CHSY1: variants seen among roughly 807,000 people sequenced by gnomAD.
CHSY1 encodes the protein chondroitin sulfate synthase 1.
In CHSY1, 13 loss-of-function variants were observed where a neutral mutation model predicts 59.8. The observed-to-expected ratio is 0.22, with a 90% CI of 0.14 to 0.35. The LOEUF is 0.35. CHSY1 is among the 10% of genes least tolerant of loss of function. The pLI is 1.00. For synonymous variants in CHSY1, 459 were observed against 401.2 expected (o/e 1.14, Z -1.72); for missense variants, 947 against 1,030.6 (o/e 0.92, Z 1.11).
At position 101,177,591 on chromosome 15, in the gene CHSY1, T is replaced by G. The variant is rs779667422; in HGVS notation, c.2206A>C (p.Arg736=). ...TGGACTACTCCTACTTCCTGGCTCCTAAACGTCTTCAAACCTGCCTGGACA... is the reference window on the plus strand; with the variant it reads ...TGGACTACTCCTACTTCCTGGCTCCGAAACGTCTTCAAACCTGCCTGGACA... ...KVVQAGLKTF[R]SQEVGVVHVH... is the part of the protein sequence containing the mutation. Residue 736 remains arginine, a synonymous_variant, in exon 3 of 3, where the codon AGG becomes CGG. Transcript: ENST00000254190. 2.0e-5 allele frequency: 33 copies of G among 1,614,060 alleles called. No individual in the cohort carries two copies. Among genetic ancestry groups the G allele is most frequent in the Middle Eastern group, 3.3e-4 (2 of 6,084 alleles).
chr15:101,205,333 CAT>C (rs768681904), intron 2 of CHSY1, among the ~76,000 whole-genome samples: 7 of 152,084 alleles, frequency 4.6e-5, no homozygotes, highest in African/African-American at 9.7e-5. Flanking sequence ...ACCACACACA[CAT>C]GATTCAGAGG....
At position 101,178,530 on chromosome 15, in the gene CHSY1, T is replaced by C. The variant is rs370806474; in HGVS notation, c.1267A>G (p.Arg423Gly). The change falls in exon 3 of 3, where the codon AGA becomes GGA. Residue 423 changes from arginine (R) to glycine (G), a missense_variant. Physicochemically the swap from Arg to Gly is moderately radical, Grantham distance 125. Coordinates refer to ENST00000254190, the MANE Select transcript of CHSY1 (RefSeq NM_014918.5). ...MEMINANAKTRGRIIDFKEIQ... is the reference protein window; with the variant it reads ...MEMINANAKTGGRIIDFKEIQ... ...TCTTTGAAGTCAATGATGCGCCCTC[T>C]GGTCTTGGCGTTGGCATTGATCATC... 1.7e-5 allele frequency: 27 copies of C among 1,614,270 alleles called. No homozygotes were observed. Among genetic ancestry groups the C allele is most frequent in the Non-Finnish European group, 2.1e-5 (25 of 1,180,038 alleles).
intron 1 of CHSY1, among the ~76,000 whole-genome samples, chr15:101,237,609 G>C (rs115942010): frequency 0.095 from 14,462 of 152,098 alleles, 958 homozygotes; most frequent in Middle Eastern, 0.18. Flanking sequence ...AAGGGTGTAA[G>C]AGACAACGGT....
chr15:101,184,371 C>CAT (rs981733585), intron 2 of CHSY1, among the ~76,000 whole-genome samples: 51 of 151,360 alleles, frequency 3.4e-4, no homozygotes, highest in African/African-American at 1.2e-3. Flanking sequence ...AAATGTGTTA[C>CAT]ATATATATAT....
chr15:101,246,298 G>T (rs564590299), intron 1 of CHSY1, among the ~76,000 whole-genome samples: 1 of 150,114 alleles, frequency 6.7e-6, no homozygotes, highest in East Asian at 1.9e-4. Context: ...AACAAAAGGT[G>T]TTGGATTAGC....
chr15:101,229,087 C>T (rs1440965820), intron 2 of CHSY1, among the ~76,000 whole-genome samples: 4 of 151,884 alleles, frequency 2.6e-5, no homozygotes, highest in African/African-American at 9.7e-5. Context: ...CTAAAAAATA[C>T]AGTAAAAGAA....
chr15:101,188,029 C>T (rs537066080), intron 2 of CHSY1: 33 of 985,380 alleles, frequency 3.3e-5, no homozygotes, highest in Admixed American at 6.1e-5. Flanking sequence ...CCTTCTTGTC[C>T]GCTGCAAGGA....
At chr15:101,194,235 C>A (rs1596434835) in intron 2 of CHSY1, among the ~76,000 whole-genome samples, 2 of 152,336 alleles carry the variant, frequency 1.3e-5, no homozygotes, top group South Asian at 4.1e-4. Context: ...AACACATAGA[C>A]CACCCACGTG....
intron 2 of CHSY1, among the ~76,000 whole-genome samples, chr15:101,214,411 A>G: frequency 6.6e-6 from 1 of 152,354 alleles, no homozygotes; most frequent in African/African-American, 2.4e-5. Context: ...ACATGGACTA[A>G]AGTAAGATCT....
chr15:101,226,860 T>C lies in CHSY1; in HGVS notation c.816+8222A>G, dbSNP rs1398547590. ...ATACCCTGACTTCTTAAACAGAGTA[T>C]AAGGCGACACTCAGCGTAATTCATC... On this transcript the variant is annotated intron_variant, in intron 2 of 2. Transcript: ENST00000254190. 2.6e-5 allele frequency among the ~76,000 whole-genome samples: 4 copies of C among 152,230 alleles called. No homozygotes were observed. In the East Asian group the frequency reaches 7.7e-4, roughly 29 times the overall value.
intron 1 of CHSY1, among the ~76,000 whole-genome samples, chr15:101,249,485 C>G (rs1277939171): frequency 6.9e-6 from 1 of 145,850 alleles, no homozygotes; most frequent in African/African-American, 2.5e-5. Flanking sequence ...GTCTATGTAT[C>G]TCTATCTATC....
At chr15:101,201,137 G>A (rs1229892659) in intron 2 of CHSY1, among the ~76,000 whole-genome samples, 1 of 151,816 alleles carries the variant, frequency 6.6e-6, no homozygotes, top group Non-Finnish European at 1.5e-5. Context: ...GGTCGGGGGT[G>A]GCGGGGCAAG....
At chr15:101,240,293 G>A (rs1026777971) in intron 1 of CHSY1, among the ~76,000 whole-genome samples, 6 of 152,216 alleles carry the variant, frequency 3.9e-5, no homozygotes, top group African/African-American at 1.4e-4. Flanking sequence ...GAGGAGGAGG[G>A]GATGCATTAA....
At chr15:101,205,731 C>T (rs2038617736) in intron 2 of CHSY1, among the ~76,000 whole-genome samples, 1 of 152,106 alleles carries the variant, frequency 6.6e-6, no homozygotes, top group Admixed American at 6.5e-5. Context: ...GTGGGTGGAT[C>T]ACGAGATCAG....
intron 2 of CHSY1, among the ~76,000 whole-genome samples, chr15:101,222,143 A>G (rs1333691952): frequency 6.6e-6 from 1 of 152,204 alleles, no homozygotes; most frequent in Non-Finnish European, 1.5e-5. Context: ...ACACACAAAG[A>G]CCTTTCTGTC....
At chr15:101,196,595 G>A (rs982429876) in intron 2 of CHSY1, among the ~76,000 whole-genome samples, 11 of 152,148 alleles carry the variant, frequency 7.2e-5, no homozygotes, top group East Asian at 1.9e-4. Context: ...ATTACACCCC[G>A]AGATCCATGA....
intron 2 of CHSY1, among the ~76,000 whole-genome samples, chr15:101,216,132 C>A (rs1230378842): frequency 7.0e-6 from 1 of 143,324 alleles, no homozygotes; most frequent in East Asian, 2.6e-4. Flanking sequence ...AATAAAAGCA[C>A]CTCAGCCTGG....
intron 2 of CHSY1, among the ~76,000 whole-genome samples, chr15:101,206,789 T>G (rs1450002198): frequency 6.6e-6 from 1 of 152,218 alleles, no homozygotes; most frequent in African/African-American, 2.4e-5. Context: ...TCCCAGGGTT[T>G]TGGGGCACAG....
In CHSY1 at chr15:101,203,296, G is replaced by C. The variant is rs556795118; in HGVS notation, c.817-24316C>G. On this transcript the variant is annotated intron_variant, in intron 2 of 2. Transcript: ENST00000254190. ...CTCCCTTTAGGCAGCCCACTCCACA[G>C]GTCAAGGCCACACATCCAAGTGTGC... Among the ~76,000 whole-genome samples, 62 of 152,256 alleles carry C rather than the reference G, an allele frequency of 4.1e-4. 1 individual carries two copies. The South Asian group carries it at 0.012, about 30-fold the overall frequency.
Sources: allele counts gnomAD v4.1 joint callset (sites outside exome capture counted in the v4.1 genomes callset), GRCh38; gene constraint gnomAD v4.1.1; transcripts MANE v1.5; gene names NCBI Gene and HGNC (gene_info 2026-07-23, HGNC 2026-07-21).